The following ADD3 variants were observed in gnomAD, a reference collection of about 807,000 sequenced individuals.
ADD3 encodes gamma-adducin.
Under a neutral mutation model 80.2 loss-of-function variants are expected in ADD3, and 25 were observed. The ratio of observed to expected loss-of-function variants is 0.31; its 90% confidence interval spans 0.23 to 0.44. The LOEUF (loss-of-function observed/expected upper bound fraction) is 0.44, where lower values mean the gene tolerates loss of function less well. Among genes scored for constraint, ADD3 ranks in the 20% least tolerant of loss-of-function variants. The pLI is 1.00. For missense variants in ADD3, 829 were observed against 847.5 expected (o/e 0.98, Z 0.27); for synonymous variants, 284 against 289.6 (o/e 0.98, Z 0.20).
chr10:110,010,822 C>T (rs1016799720), intron 1 of ADD3, among the ~76,000 whole-genome samples: 1 of 152,170 alleles, frequency 6.6e-6, no homozygotes, highest in Non-Finnish European at 1.5e-5. Flanking sequence ...TGCTATTGAG[C>T]TCATGGTAAT....
intron 1 of ADD3, among the ~76,000 whole-genome samples, chr10:110,072,210 T>C (rs946201938): frequency 6.6e-6 from 1 of 152,104 alleles, no homozygotes; most frequent in African/African-American, 2.4e-5. Context: ...TACAGGTGCC[T>C]GCCACCACGC....
intron 9 of ADD3, 62 bp from the exon 10 acceptor site, chr10:110,123,955 G>T: frequency 6.6e-7 from 1 of 1,511,466 alleles, no homozygotes; most frequent in South Asian, 1.2e-5. Context: ...AAAGGAATTA[G>T]GATCCAAATG....
At chr10:110,113,310 G>A (rs898138763) in intron 3 of ADD3, among the ~76,000 whole-genome samples, 5 of 152,026 alleles carry the variant, frequency 3.3e-5, no homozygotes, top group East Asian at 1.9e-4. Context: ...CTCTGTCGCC[G>A]AGGCTGGAGT....
chr10:110,054,372 C>T (rs996720522), intron 1 of ADD3, among the ~76,000 whole-genome samples: 8 of 151,694 alleles, frequency 5.3e-5, no homozygotes, highest in Admixed American at 2.0e-4. Flanking sequence ...GAATTAGAAG[C>T]CCTAGATTGA....
chr10:110,042,136 GTATT>G (rs1278376543), intron 1 of ADD3, among the ~76,000 whole-genome samples: 2 of 152,178 alleles, frequency 1.3e-5, no homozygotes, highest in Non-Finnish European at 2.9e-5. Flanking sequence ...TTGTAGGTAA[GTATT>G]TCTATAGTAG....
chr10:110,085,848 G>A (rs1846663089), intron 1 of ADD3, among the ~76,000 whole-genome samples: 1 of 152,230 alleles, frequency 6.6e-6, no homozygotes, highest in African/African-American at 2.4e-5. Context: ...GCTCACGCCT[G>A]TAATCCCAGC....
intron 3 of ADD3, among the ~76,000 whole-genome samples, chr10:110,114,374 T>C (rs192847897): frequency 3.3e-5 from 5 of 152,234 alleles, no homozygotes; most frequent in South Asian, 2.1e-4. Context: ...CATTGAAATA[T>C]TCTCTTTAAA....
intron 1 of ADD3, among the ~76,000 whole-genome samples, chr10:110,040,799 C>T (rs1468396292): frequency 1.3e-5 from 2 of 152,104 alleles, no homozygotes; most frequent in Non-Finnish European, 2.9e-5. Context: ...AGAGACTTTT[C>T]CTGAAAGGAA....
intron 1 of ADD3, among the ~76,000 whole-genome samples, chr10:110,084,608 G>T (rs1470977208): frequency 6.6e-6 from 1 of 152,140 alleles, no homozygotes; most frequent in African/African-American, 2.4e-5. Context: ...CTCAGGATCT[G>T]TTCTACCTTT....
At chr10:110,002,502 C>T (rs1366698266), upstream of ADD3, among the ~76,000 whole-genome samples, 1 of 152,042 alleles carries the variant, frequency 6.6e-6, no homozygotes, top group Non-Finnish European at 1.5e-5. Flanking sequence ...TCTCGATCTC[C>T]TGACCTTGTG....
At chr10:110,126,853 A>C (rs1852232346) in intron 12 of ADD3, among the ~76,000 whole-genome samples, 1 of 152,116 alleles carries the variant, frequency 6.6e-6, no homozygotes, top group Admixed American at 6.6e-5. Flanking sequence ...TCCTCCTTTG[A>C]TGTTTCTAAA....
intron 1 of ADD3, among the ~76,000 whole-genome samples, chr10:110,094,089 A>AT (rs1219380628): frequency 6.6e-6 from 1 of 152,118 alleles, no homozygotes; most frequent in African/African-American, 2.4e-5. Context: ...TTGTACATCT[A>AT]TTTTTCTGTG....
intron 1 of ADD3, among the ~76,000 whole-genome samples, chr10:110,061,176 A>C (rs764028651): frequency 2.6e-5 from 4 of 152,210 alleles, no homozygotes; most frequent in Non-Finnish European, 2.9e-5. Context: ...AGAAAGATGG[A>C]GCCATGGTGT....
chr10:110,063,748 T>TATATATA (rs1246669089), intron 1 of ADD3, among the ~76,000 whole-genome samples: 7 of 36,910 alleles, frequency 1.9e-4, no homozygotes, highest in African/African-American at 7.2e-4. Context: ...TATATATATA[T>TATATATA]ATATATATAT....
chr10:110,050,846 G>C (rs1334753857), intron 1 of ADD3, among the ~76,000 whole-genome samples: 1 of 152,082 alleles, frequency 6.6e-6, no homozygotes, highest in Admixed American at 6.6e-5. Flanking sequence ...TTTTTTAGCA[G>C]TGTGAAAATG....
intron 1 of ADD3, among the ~76,000 whole-genome samples, chr10:110,084,087 T>C (rs889771715): frequency 3.9e-5 from 6 of 152,196 alleles, no homozygotes; most frequent in East Asian, 3.8e-4. Flanking sequence ...ACAAGAGTCC[T>C]ACTTCAAGCT....
At chr10:110,031,277 A>G (rs2133194003) in intron 1 of ADD3, among the ~76,000 whole-genome samples, 1 of 152,366 alleles carries the variant, frequency 6.6e-6, no homozygotes, top group South Asian at 2.1e-4. Context: ...CTGTCCCTCA[A>G]AAAATCAAAA....
intron 1 of ADD3, among the ~76,000 whole-genome samples, chr10:110,009,340 G>T (rs1399697286): frequency 6.6e-6 from 1 of 152,132 alleles, no homozygotes; most frequent in Non-Finnish European, 1.5e-5. Flanking sequence ...TTAAATGGTT[G>T]CTTTTCTTGG....
intron 1 of ADD3, among the ~76,000 whole-genome samples, chr10:110,031,672 C>T (rs376950555): frequency 2.8e-4 from 42 of 151,788 alleles, no homozygotes; most frequent in East Asian, 2.5e-3. Context: ...TGGTGGATGA[C>T]TTTAATGCGC....
Sources: allele counts gnomAD v4.1 joint callset (sites outside exome capture counted in the v4.1 genomes callset), GRCh38; gene constraint gnomAD v4.1.1; transcripts MANE v1.5; gene names NCBI Gene and HGNC (gene_info 2026-07-23, HGNC 2026-07-21).